The following LRRC72 variants were observed in gnomAD, a reference collection of about 807,000 sequenced individuals.
LRRC72 encodes leucine-rich repeat-containing protein 72.
A neutral mutation model predicts 35.8 loss-of-function variants in LRRC72; 41 were observed. The observed-to-expected ratio is 1.15, with a 90% CI of 0.89 to 1.49. The LOEUF is 1.49. Ranked by LOEUF, LRRC72 falls within the 40% of genes most tolerant of loss-of-function variation. The probability of loss-of-function intolerance (pLI) is 0.00; values close to 1 mark genes in which losing one functional copy is unlikely to be tolerated. For missense variants in LRRC72, 389 were observed against 330.7 expected (o/e 1.18, Z -1.37); for synonymous variants, 118 against 119.2 (o/e 0.99, Z 0.07).
intron 3 of LRRC72, among the ~76,000 whole-genome samples, chr7:16,554,567 G>T (rs1266988093): frequency 6.6e-6 from 1 of 151,984 alleles, no homozygotes; most frequent in Non-Finnish European, 1.5e-5. Flanking sequence ...TTCATCTTCT[G>T]CCATTGTATT....
At chr7:16,544,427 C>T (rs1782409591) in intron 3 of LRRC72, among the ~76,000 whole-genome samples, 1 of 152,146 alleles carries the variant, frequency 6.6e-6, no homozygotes, top group East Asian at 1.9e-4. Flanking sequence ...GCATCTCCTC[C>T]TTTTTGAGAT....
At chr7:16,551,022 T>A (rs943766850) in intron 3 of LRRC72, among the ~76,000 whole-genome samples, 1 of 152,186 alleles carries the variant, frequency 6.6e-6, no homozygotes, top group Non-Finnish European at 1.5e-5. Context: ...AAGCCCTAAT[T>A]CCCAGTCCCT....
intron 3 of LRRC72, among the ~76,000 whole-genome samples, chr7:16,556,253 G>A (rs914304976): frequency 6.6e-6 from 1 of 152,072 alleles, no homozygotes; most frequent in African/African-American, 2.4e-5. Context: ...AGTAAGATGC[G>A]ACTTCTTCAC....
intron 3 of LRRC72, among the ~76,000 whole-genome samples, chr7:16,538,718 G>A (rs1333560676): frequency 2.0e-5 from 3 of 152,208 alleles, no homozygotes; most frequent in African/African-American, 4.8e-5. Flanking sequence ...GGATCATGGG[G>A]ATGGTTCCCT....
chr7:16,572,906 A>G (rs113424622), intron 7 of LRRC72, among the ~76,000 whole-genome samples: 27 of 152,260 alleles, frequency 1.8e-4, no homozygotes, highest in African/African-American at 6.3e-4. Flanking sequence ...AGAAAACCCC[A>G]TTGTCTCAGC....
At chr7:16,550,854 G>C (rs1468866063) in intron 3 of LRRC72, among the ~76,000 whole-genome samples, 1 of 152,136 alleles carries the variant, frequency 6.6e-6, no homozygotes, top group Non-Finnish European at 1.5e-5. Flanking sequence ...CTGGTATATT[G>C]TTATGACAAA....
chr7:16,546,435 G>A (rs1434938354), intron 3 of LRRC72, among the ~76,000 whole-genome samples: 1 of 151,888 alleles, frequency 6.6e-6, no homozygotes, highest in Non-Finnish European at 1.5e-5. Flanking sequence ...ATGCCCCCCA[G>A]GAGTGGCAAA....
chr7:16,575,032 T>A (rs902989667), intron 7 of LRRC72, among the ~76,000 whole-genome samples: 2 of 151,776 alleles, frequency 1.3e-5, no homozygotes, highest in Non-Finnish European at 1.5e-5. Context: ...GGACAATCGG[T>A]TGGACCCGGG....
At chr7:16,536,875 AAC>A (rs1217457374) in intron 2 of LRRC72, 7 of 152,306 alleles carry the variant, frequency 4.6e-5, no homozygotes, top group African/African-American at 1.7e-4. Flanking sequence ...TTGATAAATA[AAC>A]AGATACGTAC....
At chr7:16,549,263 T>G (rs1464981800) in intron 3 of LRRC72, among the ~76,000 whole-genome samples, 1 of 152,194 alleles carries the variant, frequency 6.6e-6, no homozygotes, top group Non-Finnish European at 1.5e-5. Flanking sequence ...TTTGCATGAG[T>G]ACTAGTTAAG....
intron 3 of LRRC72, among the ~76,000 whole-genome samples, chr7:16,546,365 G>A (rs375666846): frequency 1.3e-5 from 2 of 151,964 alleles, no homozygotes; most frequent in South Asian, 4.2e-4. Flanking sequence ...GGTAGAGTCT[G>A]TCCTGTGTAT....
At chr7:16,529,685 G>A (rs1466816174) in intron 1 of LRRC72, among the ~76,000 whole-genome samples, 1 of 152,046 alleles carries the variant, frequency 6.6e-6, no homozygotes, top group Non-Finnish European at 1.5e-5. Flanking sequence ...ATTATTGATT[G>A]GAAAGAAACA....
intron 3 of LRRC72, among the ~76,000 whole-genome samples, chr7:16,543,559 A>G (rs1426173283): frequency 6.6e-6 from 1 of 152,142 alleles, no homozygotes; most frequent in Admixed American, 6.6e-5. Context: ...CTCCTCCTCC[A>G]TTCTAAATAG....
intron 2 of LRRC72, among the ~76,000 whole-genome samples, chr7:16,535,570 A>C (rs1782239658): frequency 6.6e-6 from 1 of 152,224 alleles, no homozygotes; most frequent in Non-Finnish European, 1.5e-5. Flanking sequence ...AGCAAGATAC[A>C]CACATGATCT....
chr7:16,529,161 C>T (rs1484241959), intron 1 of LRRC72, among the ~76,000 whole-genome samples: 1 of 152,156 alleles, frequency 6.6e-6, no homozygotes, highest in Non-Finnish European at 1.5e-5. Context: ...ATGACCCCAA[C>T]CCACCTTTCT....
Position 16,532,475 on chromosome 7 carries a change from G to A in LRRC72, c.91-20G>A, listed in dbSNP as rs115777752. 6.6e-3 allele frequency: 10,159 copies of A among 1,535,782 alleles called. 107 individuals carry two copies. The highest frequency in any genetic ancestry group is 0.027 in the Middle Eastern group (158 of 5,962). On this transcript the variant is annotated intron_variant, in intron 1 of 8. Transcript: ENST00000401542. Reference sequence around the variant, plus strand: ...TTGTTCATTGGAATGTAGTTTGACAGATTAATTATATGTTATCAGGCAGTT... The same window carrying A: ...TTGTTCATTGGAATGTAGTTTGACAAATTAATTATATGTTATCAGGCAGTT...
intron 7 of LRRC72, among the ~76,000 whole-genome samples, chr7:16,572,259 C>A (rs1449548227): frequency 1.3e-5 from 2 of 152,198 alleles, no homozygotes; most frequent in Admixed American, 1.3e-4. Context: ...CCTTCTGGAA[C>A]TATTTTAAAC....
chr7:16,562,856 T>G (rs7778649), intron 5 of LRRC72, among the ~76,000 whole-genome samples: 12,718 of 152,270 alleles, frequency 0.084, 1,811 homozygotes, highest in African/African-American at 0.29. Context: ...GAGGATATTC[T>G]GATCCCTCCT....
intron 3 of LRRC72, among the ~76,000 whole-genome samples, chr7:16,541,910 C>CA: frequency 6.6e-6 from 1 of 151,862 alleles, no homozygotes; most frequent in East Asian, 1.9e-4. Context: ...GACTCCATCT[C>CA]AAAAACACAC....
Sources: gnomAD v4.1 joint callset for allele counts (sites outside exome capture counted in the v4.1 genomes callset) on GRCh38, gnomAD v4.1.1 for gene constraint, MANE v1.5 for transcripts, NCBI Gene and HGNC (gene_info 2026-07-23, HGNC 2026-07-21) for gene names.